USP53: variants seen among roughly 807,000 people sequenced by gnomAD.
USP53 encodes the protein ubiquitin carboxyl-terminal hydrolase 53.
Under a neutral mutation model 94.9 loss-of-function variants are expected in USP53, and 71 were observed. The ratio of observed to expected loss-of-function variants is 0.75; its 90% CI spans 0.62 to 0.91. The LOEUF (loss-of-function observed/expected upper bound fraction) is 0.91, where lower values mean the gene tolerates loss of function less well. Among genes scored for constraint, USP53 ranks in the 40% least tolerant of loss-of-function variants. The pLI is 0.00. For synonymous variants in USP53, 375 were observed against 422.7 expected (o/e 0.89, Z 1.39); for missense variants, 1,173 against 1,281.0 (o/e 0.92, Z 1.29).
At chr4:119,262,557 A>G (rs889335720) in intron 12 of USP53, among the ~76,000 whole-genome samples, 8 of 152,200 alleles carry the variant, frequency 5.3e-5, no homozygotes, top group African/African-American at 2.4e-5. Flanking sequence ...ATTATAAGCA[A>G]AAGAAAATAT....
At chr4:119,235,676 C>T (rs1219185018) in intron 4 of USP53, among the ~76,000 whole-genome samples, 2 of 152,118 alleles carry the variant, frequency 1.3e-5, no homozygotes, top group Non-Finnish European at 2.9e-5. Context: ...TCACATTTCT[C>T]CTGCCACACT....
chr4:119,275,383 G>A (rs1481214501), intron 17 of USP53, among the ~76,000 whole-genome samples: 1 of 125,552 alleles, frequency 8.0e-6, no homozygotes, highest in Non-Finnish European at 1.8e-5. Flanking sequence ...GTTTTTCTCA[G>A]GTTTGTCAAA....
chr4:119,265,670 A>AACAACAAC (rs1751036388), intron 12 of USP53, among the ~76,000 whole-genome samples: 6 of 150,412 alleles, frequency 4.0e-5, no homozygotes, highest in African/African-American at 9.8e-5. Flanking sequence ...CCTTTTCTCA[A>AACAACAAC]AACAACAACA....
chr4:119,239,895 G>A lies in USP53; in HGVS notation c.136G>A (p.Ala46Thr), dbSNP rs775459006. The change falls in exon 5 of 19, where the codon GCT (alanine) becomes ACT (threonine). Residue 46 changes from alanine to threonine, a missense_variant. Ala to Thr is a moderately conservative substitution (Grantham distance 58). Transcript: ENST00000692078. ...PGQNSCFLNS[A>T]VQVLWQLDIF... ...ACAAAACAGCTGCTTTCTTAATAGC[G>A]CTGTACAGGTGAGACCATAATTACT... 16 of 1,588,316 alleles carry A rather than the reference G, an allele frequency of 1.0e-5. No individual in the cohort carries two copies. The highest frequency in any genetic ancestry group is 1.8e-5 in the Admixed American group (1 of 54,544).
intron 17 of USP53, among the ~76,000 whole-genome samples, chr4:119,287,724 A>G (rs959863957): frequency 6.6e-6 from 1 of 152,158 alleles, no homozygotes; most frequent in Admixed American, 6.6e-5. Context: ...CTAATGCCAT[A>G]TATTTTGCTA....
At chr4:119,241,046 C>T (rs7684942) in intron 5 of USP53, among the ~76,000 whole-genome samples, 43,900 of 151,958 alleles carry the variant, frequency 0.29, 6,491 homozygotes, top group East Asian at 0.39. Context: ...TCTGGCATTT[C>T]AGATATTTTT....
At position 119,235,919 on chromosome 4, in the gene USP53, A is replaced by C. The variant is rs75401171; in HGVS notation, c.-543+508A>C. On this transcript the variant is annotated intron_variant, in intron 4 of 18. Transcript: ENST00000692078. ...CCCCTTTTCTTAGATTGCTTTTGTT[A>C]CTACTTATCATGTAACCCTTCTGGT... Among the ~76,000 whole-genome samples, 1,165 of 152,264 alleles carry C rather than the reference A, an allele frequency of 7.7e-3. 13 individuals carry two copies. The highest frequency in any genetic ancestry group is 0.027 in the African/African-American group (1,106 of 41,544).
Position 119,272,023 on chromosome 4 carries a change from A to G in USP53, c.2163A>G (p.Thr721=), listed in dbSNP as rs1751938619. The part of the protein sequence containing the change: ...TVMDISGVKE[T]VCFSDQITTS... ...TGGATATCAGTGGTGTTAAAGAAAC[A>G]GTATGCTTCAGGTAATGTAAAAGTT... is the stretch of plus-strand genomic sequence containing the variant. Residue 721 remains threonine (T), a synonymous_variant, in exon 16 of 19, where the codon ACA becomes ACG. Coordinates refer to ENST00000692078, the MANE Select transcript of USP53 (RefSeq NM_001371395.1). 3 of 1,578,350 alleles carry G rather than the reference A, an allele frequency of 1.9e-6. No individual in the cohort carries two copies. The highest frequency in any genetic ancestry group is 2.6e-6 in the Non-Finnish European group (3 of 1,164,742).
At chr4:119,257,497 C>T (rs1039945784) in intron 9 of USP53, among the ~76,000 whole-genome samples, 1 of 152,116 alleles carries the variant, frequency 6.6e-6, no homozygotes. Context: ...AGATCATAAA[C>T]ATTTGCATAC....
intron 17 of USP53, among the ~76,000 whole-genome samples, chr4:119,284,360 CT>C (rs1336392308): frequency 1.3e-5 from 2 of 151,320 alleles, no homozygotes; most frequent in Non-Finnish European, 3.0e-5. Context: ...TAATATACTG[CT>C]TTTTTTCCAT....
chr4:119,227,290 C>CACACACACACACACACACACACACAG (rs1745412446), intron 3 of USP53, among the ~76,000 whole-genome samples: 1 of 140,726 alleles, frequency 7.1e-6, no homozygotes, highest in African/African-American at 2.5e-5. Context: ...CACACACACA[C>CACACACACACACACACACACACACAG]ACACACACAA....
In USP53 at chr4:119,271,640, G is replaced by A. The variant is rs748278992; in HGVS notation, c.1780G>A (p.Asp594Asn). 14 of 1,613,818 alleles carry A rather than the reference G, an allele frequency of 8.7e-6. No individual in the cohort carries two copies. Among genetic ancestry groups the A allele is most frequent in the Middle Eastern group, 1.6e-4 (1 of 6,062 alleles). The change falls in exon 16 of 19, where the codon GAT (aspartate) becomes AAT (asparagine). Residue 594 changes from aspartate (D) to asparagine (N), a missense_variant. By Grantham distance (23) the Asp-to-Asn change is conservative. Coordinates refer to ENST00000692078, the MANE Select transcript of USP53 (RefSeq NM_001371395.1). ...WKPMRETLNV[D>N]SIFSESEKRQ... The stretch of plus-strand genomic sequence containing the variant: ...ACCTATGAGAGAAACATTAAATGTT[G>A]ATAGTATTTTTAGTGAAAGTGAAAA...
At chr4:119,251,502 C>T (rs554082428) in intron 7 of USP53, among the ~76,000 whole-genome samples, 6 of 152,174 alleles carry the variant, frequency 3.9e-5, no homozygotes, top group Non-Finnish European at 8.8e-5. Flanking sequence ...AATGGTTGAA[C>T]TAATTTACAC....
At position 119,217,302 on chromosome 4, in the gene USP53, A is replaced by T. The variant is rs545105648; in HGVS notation, c.-788-248A>T. 4.6e-5 allele frequency among the ~76,000 whole-genome samples: 7 copies of T among 152,200 alleles called. 1 individual carries two copies. The South Asian group carries it at 1.5e-3, about 32-fold the overall frequency. ...TACTTAGGTGAGCAGATTGAGCCCT[A>T]AATTTTTCCTCCTATATGATGCTAC... On this transcript the variant is annotated intron_variant, in intron 2 of 18. Coordinates refer to ENST00000692078, the MANE Select transcript of USP53 (RefSeq NM_001371395.1).
intron 7 of USP53, among the ~76,000 whole-genome samples, chr4:119,255,478 C>A (rs2149370677): frequency 6.6e-6 from 1 of 152,332 alleles, no homozygotes. Context: ...CCTCAACCAA[C>A]CTCCCGCATC....
chr4:119,280,928 G>A (rs1348849663), intron 17 of USP53, among the ~76,000 whole-genome samples: 2 of 152,182 alleles, frequency 1.3e-5, no homozygotes, highest in African/African-American at 2.4e-5. Context: ...ACCAGAGCTA[G>A]TCTTCTAACC....
At chr4:119,243,563 G>A (rs547614916) in intron 5 of USP53, among the ~76,000 whole-genome samples, 1 of 152,248 alleles carries the variant, frequency 6.6e-6, no homozygotes, top group African/African-American at 2.4e-5. Flanking sequence ...TAATTATTTT[G>A]TGATAGCGAT....
intron 17 of USP53, among the ~76,000 whole-genome samples, chr4:119,282,719 A>AT (rs34159779): frequency 0.4 from 60,738 of 151,538 alleles, 12,455 homozygotes; most frequent in Non-Finnish European, 0.46. Context: ...TGATATAGGA[A>AT]TTTTTTCCCA....
chr4:119,237,388 C>T (rs754120085), intron 4 of USP53, among the ~76,000 whole-genome samples: 3 of 152,088 alleles, frequency 2.0e-5, no homozygotes, highest in Non-Finnish European at 4.4e-5. Flanking sequence ...AGGTGGCCGC[C>T]CCCTCGCCCG....
Sources: allele counts gnomAD v4.1 joint callset (sites outside exome capture counted in the v4.1 genomes callset), GRCh38; gene constraint gnomAD v4.1.1; transcripts MANE v1.5; gene names NCBI Gene and HGNC (gene_info 2026-07-23, HGNC 2026-07-21).